TPP2: variants seen among roughly 807,000 people sequenced by gnomAD.
TPP2 encodes the protein tripeptidyl-peptidase 2.
A neutral mutation model predicts 155.9 loss-of-function variants in TPP2; 34 were observed. The ratio of observed to expected loss-of-function variants is 0.22; its 90% CI spans 0.17 to 0.29. The LOEUF is 0.29. TPP2 is among the 10% of genes least tolerant of loss of function. TPP2 has a pLI of 1.00. For missense variants in TPP2, 1,028 were observed against 1,522.3 expected (o/e 0.68, Z 5.40); for synonymous variants, 510 against 529.4 (o/e 0.96, Z 0.50).
At position 102,657,152 on chromosome 13, in the gene TPP2, T is replaced by C. The variant is rs755708634; in HGVS notation, c.3088T>C (p.Leu1030=). The change falls in exon 25 of 30, where the codon TTA becomes CTA. Residue 1030 remains leucine, a synonymous_variant. Coordinates refer to ENST00000376052, the MANE Select transcript of TPP2 (RefSeq NM_001330588.2). ...KEKDSEKEKD[L]KEEFTEALRD... Reference sequence around the variant, plus strand: ...AAAAGATTCAGAAAAAGAGAAAGATTTAAAAGAAGAGTTTACTGAAGCATT... The same window carrying C: ...AAAAGATTCAGAAAAAGAGAAAGATCTAAAAGAAGAGTTTACTGAAGCATT... The C allele has an allele frequency of 6.3e-7, 1 of 1,599,356 alleles. No homozygotes were observed. The highest frequency in any genetic ancestry group is 1.1e-5 in the South Asian group (1 of 87,350).
chr13:102,643,491 A>G, intron 17 of TPP2, 115 bp downstream of exon 17: 4 of 1,096,072 alleles, frequency 3.6e-6, no homozygotes, highest in African/African-American at 1.6e-5. Context: ...TTGGGATTAT[A>G]TATTTTTTTA....
At position 102,667,856 on chromosome 13, in the gene TPP2, G is replaced by A. The variant is rs866794482; in HGVS notation, c.3371+2931G>A. On this transcript the variant is annotated intron_variant, in intron 27 of 29. Coordinates refer to ENST00000376052, the MANE Select transcript of TPP2 (RefSeq NM_001330588.2). Reference sequence around the variant, plus strand: ...TCTGCCCTGCAGACTCTGGCCGAGCGACGGATGAAAGGAGTGCTCAGACAC... The same window carrying A: ...TCTGCCCTGCAGACTCTGGCCGAGCAACGGATGAAAGGAGTGCTCAGACAC... 1.3e-4 allele frequency: 123 copies of A among 982,330 alleles called. 1 individual carries two copies. The South Asian group carries it at 4.0e-3, about 32-fold the overall frequency. The allele number at this position is 982,330 out of a possible 1,614,324, so 60.9% of individuals were successfully genotyped here.
chr13:102,607,806 G>A (rs1031764626), intron 2 of TPP2: 13 of 286,942 alleles, frequency 4.5e-5, no homozygotes, highest in Admixed American at 4.5e-4. Flanking sequence ...GGCCAGGCTG[G>A]TCTCAAACTC....
intron 2 of TPP2, among the ~76,000 whole-genome samples, chr13:102,609,792 A>T (rs571169061): frequency 6.6e-6 from 1 of 152,042 alleles, no homozygotes; most frequent in Non-Finnish European, 1.5e-5. Flanking sequence ...ACCTCCCACC[A>T]CATCCCTCCC....
chr13:102,658,783 T>A (rs1052788437), intron 25 of TPP2, among the ~76,000 whole-genome samples: 1 of 152,118 alleles, frequency 6.6e-6, no homozygotes. Context: ...GCTTTCCTCC[T>A]TGGAGGAGGA....
At chr13:102,618,291 C>G (rs1223584700) in intron 4 of TPP2, among the ~76,000 whole-genome samples, 1 of 152,022 alleles carries the variant, frequency 6.6e-6, no homozygotes, top group Non-Finnish European at 1.5e-5. Flanking sequence ...TATTTGGATT[C>G]TTAAGAAATA....
rs1256706175 is a variant in TPP2, at chr13:102,616,483, A to C, written c.478A>C (p.Asn160His). 1 of 1,611,078 alleles carries C rather than the reference A, an allele frequency of 6.2e-7. No homozygotes were observed. Among genetic ancestry groups the C allele is most frequent in the Non-Finnish European group, 8.5e-7 (1 of 1,178,536 alleles). The change falls in exon 4 of 30, where the codon AAC becomes CAC. Residue 160 changes from asparagine to histidine, a missense_variant. Transcript: ENST00000376052. ...AAAACAGGAAGAATTTGATGTTGCC[A>C]ACAACGGCTCTTCTCAAGTTGGTGC... The part of the protein sequence containing the change: ...CRKQEEFDVA[N>H]NGSSQANKLI...
At chr13:102,664,397 CT>C (rs200292095) in intron 26 of TPP2, among the ~76,000 whole-genome samples, 2 of 151,244 alleles carry the variant, frequency 1.3e-5, no homozygotes, top group Admixed American at 6.6e-5. Context: ...CTAGGGCTTT[CT>C]TTTTTTTTCC....
chr13:102,654,768 G>A (rs768796369), intron 24 of TPP2, among the ~76,000 whole-genome samples: 2 of 152,188 alleles, frequency 1.3e-5, no homozygotes, highest in Non-Finnish European at 2.9e-5. Flanking sequence ...AGGCCACTTA[G>A]CCCCTTTAAT....
At chr13:102,630,571 C>CAG (rs1179677150) in intron 10 of TPP2, among the ~76,000 whole-genome samples, 1 of 152,146 alleles carries the variant, frequency 6.6e-6, no homozygotes, top group Non-Finnish European at 1.5e-5. Context: ...TATAAAGCAT[C>CAG]ACAGTCATAG....
intron 1 of TPP2, among the ~76,000 whole-genome samples, chr13:102,599,966 A>G (rs1007046006): frequency 7.0e-6 from 1 of 143,606 alleles, no homozygotes; most frequent in East Asian, 2.1e-4. Flanking sequence ...CATCCTTCAC[A>G]TTTCTAGAGT....
At chr13:102,652,397 C>CATATATATATAT (rs10530428) in intron 24 of TPP2, among the ~76,000 whole-genome samples, 14 of 125,532 alleles carry the variant, frequency 1.1e-4, no homozygotes, top group Non-Finnish European at 1.8e-4. Context: ...AACATACATA[C>CATATATATATAT]ATATATATAT....
Position 102,674,391 on chromosome 13 carries a change from T to G in TPP2, c.3480T>G (p.Thr1160=), listed in dbSNP as rs2139621380. The change falls in exon 28 of 30, where the codon ACT becomes ACG. Residue 1160 remains threonine (T), a synonymous_variant. Transcript: ENST00000376052. ...HTQAQDGAIS[T]DAEGKEEEGE... ...AGGCTCAAGACGGAGCCATTTCCAC[T>G]GATGCAGAAGGAAAGGAGGAGGAAG... 1 of 1,614,000 alleles carries G rather than the reference T, an allele frequency of 6.2e-7. No homozygotes were observed. Among genetic ancestry groups the G allele is most frequent in the Non-Finnish European group, 8.5e-7 (1 of 1,179,886 alleles).
intron 15 of TPP2, among the ~76,000 whole-genome samples, chr13:102,638,770 C>G (rs545001353): frequency 7.8e-6 from 1 of 128,604 alleles, no homozygotes; most frequent in East Asian, 2.2e-4. Context: ...CTTAACTTCC[C>G]ATCTTATTCC....
At chr13:102,657,545 T>G (rs1179062674) in intron 25 of TPP2, among the ~76,000 whole-genome samples, 1 of 152,114 alleles carries the variant, frequency 6.6e-6, no homozygotes, top group African/African-American at 2.4e-5. Context: ...CCTCTGTGTT[T>G]GTACATGTAG....
chr13:102,607,117 A>G (rs1446391107), intron 2 of TPP2, among the ~76,000 whole-genome samples: 1 of 152,218 alleles, frequency 6.6e-6, no homozygotes, highest in Non-Finnish European at 1.5e-5. Context: ...CCTATGCTCA[A>G]CCATGCTGGC....
intron 22 of TPP2, 100 bp downstream of exon 22, chr13:102,649,251 A>ATT: frequency 6.8e-6 from 8 of 1,172,290 alleles, no homozygotes; most frequent in South Asian, 1.8e-5. Flanking sequence ...GGATGTAGTC[A>ATT]TTTTTTTTTT....
chr13:102,651,653 T>A (rs568212277), intron 24 of TPP2, among the ~76,000 whole-genome samples: 2 of 152,228 alleles, frequency 1.3e-5, no homozygotes, highest in African/African-American at 4.8e-5. Flanking sequence ...TTAATGCTAT[T>A]CATTTCTTGC....
At chr13:102,619,760 A>T (rs1881019156) in intron 5 of TPP2, among the ~76,000 whole-genome samples, 1 of 152,234 alleles carries the variant, frequency 6.6e-6, no homozygotes, top group Admixed American at 6.5e-5. Flanking sequence ...TTCAATCTAG[A>T]TATTAAATAT....
Sources: allele counts gnomAD v4.1 joint callset (sites outside exome capture counted in the v4.1 genomes callset), GRCh38; gene constraint gnomAD v4.1.1; transcripts MANE v1.5; gene names NCBI Gene and HGNC (gene_info 2026-07-23, HGNC 2026-07-21).